Variants in PRKCH observed in about 807,000 individuals in gnomAD.
PRKCH encodes protein kinase C eta, also known as protein kinase C eta type.
Under a neutral mutation model 82.5 loss-of-function variants are expected in PRKCH, and 28 were observed. That is an observed-to-expected ratio of 0.34 (90% CI 0.25 to 0.47). PRKCH has a LOEUF of 0.47. Among genes scored for constraint, PRKCH ranks in the 20% least tolerant of loss-of-function variants. The pLI, the probability that PRKCH is intolerant of heterozygous loss-of-function variation, is 1.00. For synonymous variants in PRKCH, 322 were observed against 327.4 expected, an observed-to-expected ratio of 0.98 and a Z score of 0.18; for missense variants, 705 against 881.8, an observed-to-expected ratio of 0.80 and a Z score of 2.54.
At chr14:61,499,608 G>T (rs1265697581) in intron 10 of PRKCH, among the ~76,000 whole-genome samples, 6 of 152,086 alleles carry the variant, frequency 3.9e-5, no homozygotes, top group Non-Finnish European at 8.8e-5. Flanking sequence ...CTTGGCATTT[G>T]CGTCAAAATT....
At chr14:61,405,018 G>A (rs183862733) in intron 2 of PRKCH, among the ~76,000 whole-genome samples, 31 of 152,338 alleles carry the variant, frequency 2.0e-4, no homozygotes, top group Admixed American at 1.8e-3. Flanking sequence ...TTGGCTCACT[G>A]AGCACGTCTT....
chr14:61,332,773 A>C (rs1334126274), intron 1 of PRKCH, among the ~76,000 whole-genome samples: 1 of 152,202 alleles, frequency 6.6e-6, no homozygotes, highest in Non-Finnish European at 1.5e-5. Context: ...TTTATTCGTA[A>C]GTCACATCTG....
At chr14:61,359,375 A>G (rs1032887774) in intron 1 of PRKCH, among the ~76,000 whole-genome samples, 2 of 152,228 alleles carry the variant, frequency 1.3e-5, no homozygotes, top group African/African-American at 2.4e-5. Flanking sequence ...TGTGTCTGAA[A>G]ATGATTGCTG....
intron 1 of PRKCH, among the ~76,000 whole-genome samples, chr14:61,205,793 C>T (rs1289209844): frequency 2.0e-5 from 3 of 152,172 alleles, no homozygotes; most frequent in Admixed American, 1.3e-4. Context: ...ATTCCTTGGT[C>T]GGGAGATTCT....
intron 1 of PRKCH, chr14:61,278,225 C>T (rs924169927): frequency 1.1e-4 from 16 of 152,142 alleles, no homozygotes; most frequent in African/African-American, 3.9e-4. Context: ...GCTGCTCAAA[C>T]ATTTGTAACA....
intron 9 of PRKCH, among the ~76,000 whole-genome samples, chr14:61,472,070 GGAGCCCCT>G (rs879566562): frequency 1.3e-5 from 2 of 152,172 alleles, no homozygotes; most frequent in Non-Finnish European, 2.9e-5. Context: ...TGTTAGGGAT[GGAGCCCCT>G]GAGCTCGGGG....
intron 1 of PRKCH, among the ~76,000 whole-genome samples, chr14:61,256,244 G>C (rs2044996943): frequency 6.6e-6 from 1 of 152,092 alleles, no homozygotes; most frequent in African/African-American, 2.4e-5. Context: ...CATTAAATTG[G>C]CTCCCAAATG....
At chr14:61,460,518 G>A (rs2140299254) in intron 9 of PRKCH, among the ~76,000 whole-genome samples, 1 of 152,344 alleles carries the variant, frequency 6.6e-6, no homozygotes, top group East Asian at 1.9e-4. Flanking sequence ...ACCACACATT[G>A]TTCTAAGTGC....
chr14:61,228,835 G>T (rs2044717741), intron 1 of PRKCH, among the ~76,000 whole-genome samples: 1 of 151,954 alleles, frequency 6.6e-6, no homozygotes, highest in Non-Finnish European at 1.5e-5. Context: ...GGGCCCAGTA[G>T]TTCAAGACCA....
intron 12 of PRKCH, among the ~76,000 whole-genome samples, chr14:61,538,967 T>A (rs1375244300): frequency 6.6e-6 from 1 of 152,220 alleles, no homozygotes; most frequent in Non-Finnish European, 1.5e-5. Context: ...ATTTGGGGAA[T>A]CATACCTGGA....
At chr14:61,256,569 G>A (rs1287933087) in intron 1 of PRKCH, among the ~76,000 whole-genome samples, 6 of 152,030 alleles carry the variant, frequency 3.9e-5, no homozygotes, top group Admixed American at 6.5e-5. Flanking sequence ...TCCTAAACTC[G>A]CCCCGCATCA....
At chr14:61,357,136 A>G (rs1343089934) in intron 1 of PRKCH, among the ~76,000 whole-genome samples, 2 of 152,228 alleles carry the variant, frequency 1.3e-5, no homozygotes, top group African/African-American at 4.8e-5. Context: ...CACATCTGCC[A>G]TCTTTGGTCA....
At chr14:61,470,722 T>C (rs1053087909) in intron 9 of PRKCH, among the ~76,000 whole-genome samples, 1 of 151,936 alleles carries the variant, frequency 6.6e-6, no homozygotes, top group Non-Finnish European at 1.5e-5. Flanking sequence ...CAAATGGGAG[T>C]CCTGGAACTC....
chr14:61,200,974 ATAGGCAAT>A (rs1054063893), intron 1 of PRKCH, among the ~76,000 whole-genome samples: 1 of 152,158 alleles, frequency 6.6e-6, no homozygotes, highest in African/African-American at 2.4e-5. Context: ...CAACAAGAAA[ATAGGCAAT>A]TAGAAAAGTC....
chr14:61,323,258 A>G (rs1349301928), intron 1 of PRKCH, among the ~76,000 whole-genome samples: 2 of 152,128 alleles, frequency 1.3e-5, no homozygotes, highest in Non-Finnish European at 2.9e-5. Flanking sequence ...TGCTTTTCAC[A>G]TAGTTCCCAG....
intron 1 of PRKCH, among the ~76,000 whole-genome samples, chr14:61,291,304 CTATT>C (rs199699613): frequency 0.02 from 2,865 of 144,100 alleles, 55 homozygotes; most frequent in Middle Eastern, 0.054. Flanking sequence ...GATCAATTGT[CTATT>C]AATGCCCTCT....
chr14:61,352,456 G>T (rs1467727051), intron 1 of PRKCH, among the ~76,000 whole-genome samples: 1 of 151,724 alleles, frequency 6.6e-6, no homozygotes, highest in Non-Finnish European at 1.5e-5. Flanking sequence ...TGAGGGCAGG[G>T]GTTCAAGACC....
At chr14:61,338,914 G>T (rs1414879244) in intron 1 of PRKCH, among the ~76,000 whole-genome samples, 1 of 152,066 alleles carries the variant, frequency 6.6e-6, no homozygotes, top group Non-Finnish European at 1.5e-5. Flanking sequence ...CTGAAAAATT[G>T]TGCCTGTCAA....
intron 9 of PRKCH, among the ~76,000 whole-genome samples, chr14:61,474,096 AAAG>A (rs1450872245): frequency 2.1e-4 from 32 of 152,314 alleles, no homozygotes; most frequent in East Asian, 1.9e-3. Context: ...TGAGTGGAAA[AAAG>A]AAGAAGAATC....
Sources: gnomAD v4.1 joint callset for allele counts (sites outside exome capture counted in the v4.1 genomes callset) on GRCh38, gnomAD v4.1.1 for gene constraint, MANE v1.5 for transcripts, NCBI Gene and HGNC (gene_info 2026-07-23, HGNC 2026-07-21) for gene names.